The following FRMD5 variants were observed in gnomAD, a reference collection of about 807,000 sequenced individuals.
The protein encoded by FRMD5 is FERM domain-containing protein 5.
A neutral mutation model predicts 69.0 loss-of-function variants in FRMD5; 20 were observed. That is an observed-to-expected ratio of 0.29 (90% CI 0.20 to 0.42). FRMD5 has a LOEUF of 0.42. FRMD5 is among the 10% of genes least tolerant of loss of function. The probability of loss-of-function intolerance (pLI) is 1.00; values close to 1 mark genes in which losing one functional copy is unlikely to be tolerated. For synonymous variants in FRMD5, 271 were observed against 260.1 expected (o/e 1.04, Z -0.40); for missense variants, 595 against 708.6 (o/e 0.84, Z 1.82).
intron 1 of FRMD5, among the ~76,000 whole-genome samples, chr15:44,123,817 C>T (rs867856851): frequency 1.3e-5 from 2 of 152,024 alleles, no homozygotes; most frequent in Non-Finnish European, 2.9e-5. Context: ...TAAAGAAATG[C>T]TAATTAAAAT....
At chr15:44,160,609 C>A in intron 1 of FRMD5, among the ~76,000 whole-genome samples, 1 of 152,148 alleles carries the variant, frequency 6.6e-6, no homozygotes, top group East Asian at 1.9e-4. Context: ...TTATAACATT[C>A]TTCTATAACT....
intron 1 of FRMD5, among the ~76,000 whole-genome samples, chr15:44,060,042 AAGG>A (rs1306937982): frequency 6.6e-6 from 1 of 152,238 alleles, no homozygotes; most frequent in East Asian, 1.9e-4. Flanking sequence ...GTACGACACA[AAGG>A]AGAAGACAAG....
At position 43,873,547 on chromosome 15, in the gene FRMD5, T is replaced by C; in HGVS notation, c.*338A>G. 1.4e-6 allele frequency: 2 copies of C among 1,384,092 alleles called. No individual in the cohort carries two copies. Among genetic ancestry groups the C allele is most frequent in the South Asian group, 2.8e-5 (2 of 70,816 alleles). The allele number at this position is 1,384,092 out of a possible 1,614,324, so 85.7% of individuals were successfully genotyped here. ...CAATAATCAGTAATAGTAAAATAAA[T>C]TATTTTTATTTGATACTTCAAAATA... is the stretch of plus-strand genomic sequence containing the variant. On this transcript the variant is annotated 3_prime_UTR_variant, in exon 14 of 14. Coordinates refer to ENST00000417257, the MANE Select transcript of FRMD5 (RefSeq NM_032892.5).
intron 7 of FRMD5, among the ~76,000 whole-genome samples, chr15:43,892,840 G>A (rs1009981004): frequency 6.6e-6 from 1 of 152,150 alleles, no homozygotes; most frequent in African/African-American, 2.4e-5. Flanking sequence ...GCAGTGGCTC[G>A]TGCTTATAAT....
chr15:44,021,716 T>C (rs949979340), intron 1 of FRMD5, among the ~76,000 whole-genome samples: 5 of 152,150 alleles, frequency 3.3e-5, no homozygotes, highest in Non-Finnish European at 7.3e-5. Context: ...ATGATACAGC[T>C]GCTATGTAAA....
chr15:44,135,811 G>A lies in FRMD5; in HGVS notation c.102+59142C>T, dbSNP rs188405541. On this transcript the variant is annotated intron_variant, in intron 1 of 13. Transcript: ENST00000417257. Reference sequence around the variant, plus strand: ...CTGACTCCAGCCTGGGAGACAGAGTGAGACTCTGTCTCAAAAAAAAAAAAA... The same window carrying A: ...CTGACTCCAGCCTGGGAGACAGAGTAAGACTCTGTCTCAAAAAAAAAAAAA... Among the ~76,000 whole-genome samples the A allele has an allele frequency of 3.4e-3, 458 of 132,888 alleles. 2 individuals are homozygous for A. The highest frequency in any genetic ancestry group is 4.8e-3 in the Non-Finnish European group (310 of 64,736). The allele number at this position is 132,888 out of a possible 152,430, so 87.2% of individuals were successfully genotyped here.
intron 1 of FRMD5, among the ~76,000 whole-genome samples, chr15:43,969,969 C>A (rs1201818882): frequency 6.6e-6 from 1 of 152,142 alleles, no homozygotes; most frequent in African/African-American, 2.4e-5. Context: ...TGCCAACTGG[C>A]CACACAGAAA....
At chr15:43,885,653 A>AT (rs1369971356) in intron 11 of FRMD5, 28 bp downstream of exon 11, 1 of 1,573,482 alleles carries the variant, frequency 6.4e-7, no homozygotes, top group East Asian at 2.2e-5. Context: ...AAATAGATCC[A>AT]TAATGGTTAC....
Position 44,066,116 on chromosome 15 carries a change from T to C in FRMD5, c.102+128837A>G, listed in dbSNP as rs548121498. 6.6e-5 allele frequency among the ~76,000 whole-genome samples: 10 copies of C among 152,326 alleles called. No individual in the cohort carries two copies. The South Asian group carries it at 2.1e-3, about 32-fold the overall frequency. On this transcript the variant is annotated intron_variant, in intron 1 of 13. Coordinates refer to ENST00000417257, the MANE Select transcript of FRMD5 (RefSeq NM_032892.5). ...TTACCTTCTCAGTTTCACCTCCCAC[T>C]GTCTACCCCATGTTTTCTGCTTTAT...
At chr15:44,116,759 T>A (rs1479947573) in intron 1 of FRMD5, among the ~76,000 whole-genome samples, 1 of 152,086 alleles carries the variant, frequency 6.6e-6, no homozygotes, top group Non-Finnish European at 1.5e-5. Context: ...TCAAAGAAAC[T>A]TCATGTAACC....
intron 1 of FRMD5, among the ~76,000 whole-genome samples, chr15:44,193,616 G>C (rs912487101): frequency 2.6e-5 from 4 of 152,174 alleles, no homozygotes; most frequent in African/African-American, 9.7e-5. Flanking sequence ...CTTAAAAAGA[G>C]ATTTTGTGCT....
upstream of FRMD5, among the ~76,000 whole-genome samples, chr15:44,199,456 T>C (rs1259547210): frequency 1.3e-5 from 2 of 152,154 alleles, no homozygotes; most frequent in Non-Finnish European, 2.9e-5. Context: ...TCTCCTTACC[T>C]AGGTTAGGGT....
At chr15:43,975,248 G>A (rs966860793) in intron 1 of FRMD5, among the ~76,000 whole-genome samples, 4 of 152,128 alleles carry the variant, frequency 2.6e-5, no homozygotes, top group African/African-American at 9.7e-5. Flanking sequence ...AAGTAGGAGA[G>A]ATAAAACTAA....
At chr15:43,959,633 C>T (rs1169453370) in intron 1 of FRMD5, among the ~76,000 whole-genome samples, 3 of 152,112 alleles carry the variant, frequency 2.0e-5, no homozygotes, top group Admixed American at 6.6e-5. Flanking sequence ...TACCAAAGTC[C>T]CTTCCAGGGC....
At chr15:43,893,823 C>A (rs1336883676) in intron 7 of FRMD5, among the ~76,000 whole-genome samples, 1 of 152,194 alleles carries the variant, frequency 6.6e-6, no homozygotes, top group Non-Finnish European at 1.5e-5. Context: ...GGGGCCTCTG[C>A]AGGGCCTCAT....
At chr15:44,055,524 C>T (rs746466257) in intron 1 of FRMD5, among the ~76,000 whole-genome samples, 15 of 152,132 alleles carry the variant, frequency 9.9e-5, no homozygotes, top group Non-Finnish European at 1.8e-4. Flanking sequence ...AGTCACTATA[C>T]ACACTACAAG....
At chr15:44,007,417 T>C (rs1269853875) in intron 1 of FRMD5, among the ~76,000 whole-genome samples, 3 of 152,044 alleles carry the variant, frequency 2.0e-5, no homozygotes, top group East Asian at 1.9e-4. Flanking sequence ...TTAATGATAC[T>C]GTGAGGGCCT....
intron 4 of FRMD5, among the ~76,000 whole-genome samples, chr15:43,918,285 G>A (rs777389678): frequency 9.9e-5 from 15 of 152,152 alleles, no homozygotes; most frequent in East Asian, 1.9e-4. Context: ...TTAGCCAGCC[G>A]TGGTGGCAGG....
intron 1 of FRMD5, among the ~76,000 whole-genome samples, chr15:44,117,029 C>A (rs1399602450): frequency 6.6e-6 from 1 of 151,578 alleles, no homozygotes; most frequent in South Asian, 2.1e-4. Context: ...CACTTGAACC[C>A]GGGAGGCAGA....
Sources: allele counts gnomAD v4.1 joint callset (sites outside exome capture counted in the v4.1 genomes callset), GRCh38; gene constraint gnomAD v4.1.1; transcripts MANE v1.5; gene names NCBI Gene and HGNC (gene_info 2026-07-23, HGNC 2026-07-21).